The following CFTR variants were observed in gnomAD, a reference collection of about 807,000 sequenced individuals.
The protein encoded by CFTR is CF transmembrane conductance regulator, also known as cystic fibrosis transmembrane conductance regulator.
CFTR carries 181 observed loss-of-function variants against 171.6 expected under a neutral mutation model. The observed-to-expected ratio is 1.05, with a 90% CI of 0.93 to 1.19. The LOEUF is 1.19. Among genes scored for constraint, CFTR ranks in the 50% most tolerant of loss-of-function variants. The pLI, the probability that CFTR is intolerant of heterozygous loss-of-function variation, is 0.00. For missense variants in CFTR, 1,968 were observed against 1,734.7 expected (o/e 1.13, Z -2.39); for synonymous variants, 583 against 608.0 (o/e 0.96, Z 0.60).
intron 7 of CFTR, among the ~76,000 whole-genome samples, chr7:117,539,189 G>A (rs569394827): frequency 1.3e-5 from 2 of 152,260 alleles, no homozygotes; most frequent in Non-Finnish European, 2.9e-5. Flanking sequence ...GACTGGGACC[G>A]AGCTGAAGGC....
intron 20 of CFTR, among the ~76,000 whole-genome samples, chr7:117,612,026 T>TATATATATAC (rs1792404008): frequency 1.7e-5 from 1 of 59,798 alleles, no homozygotes; most frequent in Non-Finnish European, 3.4e-5. Context: ...TATATATGTA[T>TATATATATAC]ATATATATAT....
chr7:117,501,316 A>G (rs986348926), intron 1 of CFTR, among the ~76,000 whole-genome samples: 2 of 152,182 alleles, frequency 1.3e-5, no homozygotes, highest in Non-Finnish European at 2.9e-5. Flanking sequence ...GATCTGCTGC[A>G]CTTAGCTCTT....
At chr7:117,628,438 A>C (rs1026454332) in intron 22 of CFTR, among the ~76,000 whole-genome samples, 1 of 152,142 alleles carries the variant, frequency 6.6e-6, no homozygotes, top group Non-Finnish European at 1.5e-5. Context: ...ATTGCCTTCA[A>C]ATCCCTATTC....
chr7:117,611,437 G>A, intron 19 of CFTR, 144 bp from the exon 20 acceptor site: 3 of 651,864 alleles, frequency 4.6e-6, no homozygotes, highest in Non-Finnish European at 8.2e-6. Context: ...TTCAAAGAAT[G>A]GCACCAGTGT....
intron 10 of CFTR, among the ~76,000 whole-genome samples, chr7:117,552,541 A>AAAAT (rs1283165327): frequency 2.6e-5 from 4 of 152,080 alleles, no homozygotes; most frequent in Non-Finnish European, 5.9e-5. Flanking sequence ...GATATTATTT[A>AAAAT]TTAAAATTTA....
At chr7:117,601,758 C>G (rs1396396571) in intron 15 of CFTR, among the ~76,000 whole-genome samples, 1 of 152,036 alleles carries the variant, frequency 6.6e-6, no homozygotes, top group Non-Finnish European at 1.5e-5. Context: ...ATAGTATCAA[C>G]ACAAGATTAA....
chr7:117,609,337 T>C, intron 18 of CFTR, among the ~76,000 whole-genome samples: 1 of 152,188 alleles, frequency 6.6e-6, no homozygotes, highest in Non-Finnish European at 1.5e-5. Flanking sequence ...AACCTGATAA[T>C]GGTCCCTTTC....
chr7:117,643,576 A>G (rs1449112997), intron 23 of CFTR, among the ~76,000 whole-genome samples: 2 of 152,168 alleles, frequency 1.3e-5, no homozygotes, highest in African/African-American at 4.8e-5. Context: ...AGACTTTGTC[A>G]TGTTGCCAGA....
intron 21 of CFTR, among the ~76,000 whole-genome samples, chr7:117,615,345 T>G (rs1792469555): frequency 6.6e-6 from 1 of 152,022 alleles, no homozygotes; most frequent in African/African-American, 2.4e-5. Flanking sequence ...TATAGAGTCT[T>G]TTGATGAAAA....
chr7:117,633,345 G>A (rs1481705552), intron 22 of CFTR, among the ~76,000 whole-genome samples: 1 of 151,352 alleles, frequency 6.6e-6, no homozygotes, highest in African/African-American at 2.4e-5. Context: ...GATTTTTTTT[G>A]CATGTTAGCC....
intron 15 of CFTR, among the ~76,000 whole-genome samples, chr7:117,601,798 T>C (rs1043622999): frequency 6.6e-6 from 1 of 152,202 alleles, no homozygotes; most frequent in African/African-American, 2.4e-5. Context: ...GAGAATGGAA[T>C]GCCAAATTGA....
intron 11 of CFTR, among the ~76,000 whole-genome samples, chr7:117,583,207 A>G (rs950813046): frequency 1.3e-5 from 2 of 152,112 alleles, no homozygotes; most frequent in South Asian, 4.1e-4. Flanking sequence ...TTTTTGGGCT[A>G]CAGGTGGTTT....
intron 21 of CFTR, among the ~76,000 whole-genome samples, chr7:117,619,151 C>CTT (rs1304112928): frequency 6.6e-6 from 1 of 152,188 alleles, no homozygotes; most frequent in Non-Finnish European, 1.5e-5. Flanking sequence ...TATCTTACAT[C>CTT]TTTTCCTCCA....
chr7:117,618,019 A>G (rs1458323197), intron 21 of CFTR, among the ~76,000 whole-genome samples: 1 of 152,086 alleles, frequency 6.6e-6, no homozygotes, highest in Non-Finnish European at 1.5e-5. Flanking sequence ...AGCAGTATTT[A>G]TGCCATGGAC....
At chr7:117,582,241 G>C (rs539650617) in intron 11 of CFTR, among the ~76,000 whole-genome samples, 1 of 152,106 alleles carries the variant, frequency 6.6e-6, no homozygotes, top group Non-Finnish European at 1.5e-5. Flanking sequence ...GAGCTGTTAA[G>C]TAACTGAGAT....
At chr7:117,530,229 A>C (rs566765148) in intron 3 of CFTR, among the ~76,000 whole-genome samples, 1 of 152,242 alleles carries the variant, frequency 6.6e-6, no homozygotes, top group East Asian at 1.9e-4. Context: ...CCTTCCCCAA[A>C]GTCCATTCCT....
At position 117,591,989 on chromosome 7, in the gene CFTR, G is replaced by A; in HGVS notation, c.1822G>A (p.Glu608Lys). The A allele has an allele frequency of 6.3e-7, 1 of 1,597,768 alleles. No individual in the cohort carries two copies. Among genetic ancestry groups the A allele is most frequent in the Non-Finnish European group, 8.5e-7 (1 of 1,175,776 alleles). The change falls in exon 14 of 27, where the codon GAA (glutamate) becomes AAA (lysine). Residue 608 changes from glutamate to lysine, a missense_variant. Physicochemically the swap from Glu to Lys is moderately conservative, Grantham distance 56 (BLOSUM62 1). Coordinates refer to ENST00000003084, the MANE Select transcript of CFTR (RefSeq NM_000492.4). ...TAGGATTTTGGTCACTTCTAAAATGGAACATTTAAAGAAAGCTGACAAAAT... is the reference window on the plus strand; with the variant it reads ...TAGGATTTTGGTCACTTCTAAAATGAAACATTTAAAGAAAGCTGACAAAAT... ...KTRILVTSKM[E>K]HLKKADKILI...
intron 1 of CFTR, among the ~76,000 whole-genome samples, chr7:117,484,238 C>G (rs1798038552): frequency 6.6e-6 from 1 of 152,146 alleles, no homozygotes; most frequent in Non-Finnish European, 1.5e-5. Flanking sequence ...TCAGAAAAAC[C>G]TTAGGTTATC....
At chr7:117,519,548 T>G (rs190257222) in intron 3 of CFTR, among the ~76,000 whole-genome samples, 75 of 152,126 alleles carry the variant, frequency 4.9e-4, no homozygotes, top group African/African-American at 1.7e-3. Context: ...TGTATGAAAT[T>G]TTTATCCAAA....
Sources: gnomAD v4.1 joint callset for allele counts (sites outside exome capture counted in the v4.1 genomes callset) on GRCh38, gnomAD v4.1.1 for gene constraint, MANE v1.5 for transcripts, NCBI Gene and HGNC (gene_info 2026-07-23, HGNC 2026-07-21) for gene names.